Variants in DPP10 observed in about 807,000 individuals in gnomAD.
DPP10 encodes the protein inactive dipeptidyl peptidase 10.
DPP10 carries 33 observed loss-of-function variants against 120.9 expected under a neutral mutation model. The observed-to-expected ratio is 0.27, with a 90% CI of 0.21 to 0.37. The LOEUF is 0.37. DPP10 is among the 10% of genes least tolerant of loss of function. The probability of loss-of-function intolerance (pLI) is 1.00; values close to 1 mark genes in which losing one functional copy is unlikely to be tolerated. For missense variants in DPP10, 816 were observed against 942.8 expected (o/e 0.87, Z 1.76); for synonymous variants, 337 against 326.1 (o/e 1.03, Z -0.36).
At chr2:115,233,404 G>T (rs2057837855) in intron 1 of DPP10, among the ~76,000 whole-genome samples, 1 of 152,074 alleles carries the variant, frequency 6.6e-6, no homozygotes. Context: ...GTTCTAGAAT[G>T]CAGTCTAAGA....
At chr2:115,171,854 C>G (rs534415284) in intron 1 of DPP10, among the ~76,000 whole-genome samples, 1 of 152,274 alleles carries the variant, frequency 6.6e-6, no homozygotes, top group African/African-American at 2.4e-5. Context: ...CACCTGGCCA[C>G]CAGACATCAC....
At chr2:114,503,318 T>C (rs1369782326) in intron 1 of DPP10, among the ~76,000 whole-genome samples, 1 of 152,206 alleles carries the variant, frequency 6.6e-6, no homozygotes, top group Non-Finnish European at 1.5e-5. Flanking sequence ...TAAAAATGAC[T>C]GGAAAAGTGG....
At chr2:114,606,379 T>A (rs1692807246) in intron 1 of DPP10, among the ~76,000 whole-genome samples, 2 of 152,146 alleles carry the variant, frequency 1.3e-5, no homozygotes, top group South Asian at 4.1e-4. Context: ...AAATTTTTTC[T>A]CTGACTGCCT....
intron 1 of DPP10, among the ~76,000 whole-genome samples, chr2:115,228,494 G>C (rs771473958): frequency 1.3e-5 from 2 of 151,754 alleles, no homozygotes; most frequent in Non-Finnish European, 2.9e-5. Context: ...AACAAAACCC[G>C]CTTCAATCCC....
At chr2:114,989,215 G>A (rs1558960079) in intron 1 of DPP10, among the ~76,000 whole-genome samples, 1 of 151,988 alleles carries the variant, frequency 6.6e-6, no homozygotes, top group Non-Finnish European at 1.5e-5. Context: ...TGTTTGAGTG[G>A]TTAATAACAC....
intron 8 of DPP10, among the ~76,000 whole-genome samples, chr2:115,729,228 C>T (rs1174716092): frequency 1.3e-5 from 2 of 152,118 alleles, no homozygotes; most frequent in African/African-American, 4.8e-5. Flanking sequence ...ATTTAATAAA[C>T]AGGTGGACAA....
intron 5 of DPP10, among the ~76,000 whole-genome samples, chr2:115,616,506 G>A (rs1244299323): frequency 6.6e-6 from 1 of 151,536 alleles, no homozygotes; most frequent in African/African-American, 2.4e-5. Context: ...AAAAAACTCT[G>A]AAAGCACATT....
At chr2:115,377,900 C>T (rs2065942264) in intron 3 of DPP10, among the ~76,000 whole-genome samples, 1 of 152,022 alleles carries the variant, frequency 6.6e-6, no homozygotes, top group Non-Finnish European at 1.5e-5. Context: ...CTGTTCTGTT[C>T]CATTGGTCTA....
rs567811339 is a variant in DPP10 at position 114,843,316 on chromosome 2, C to G, written c.60+400478C>G. On this transcript the variant is annotated intron_variant, in intron 1 of 25. Coordinates refer to ENST00000410059, the MANE Select transcript of DPP10 (RefSeq NM_020868.6). Reference sequence around the variant, plus strand: ...TATTACTCATGTTTCTACCAGTGGTCCCCTGAAGAAATAAATATGCAGCCT... The same window carrying G: ...TATTACTCATGTTTCTACCAGTGGTGCCCTGAAGAAATAAATATGCAGCCT... Among the ~76,000 whole-genome samples the G allele has an allele frequency of 9.6e-4, 146 of 152,222 alleles. 1 individual carries two copies. The highest frequency in any genetic ancestry group is 1.7e-3 in the Non-Finnish European group (118 of 67,994).
intron 23 of DPP10, 41 bp from the exon 24 acceptor site, chr2:115,836,633 T>C (rs1689559680): frequency 2.5e-6 from 4 of 1,609,736 alleles, no homozygotes; most frequent in Non-Finnish European, 3.4e-6. Context: ...AAATGGCTTA[T>C]TTAGATCTAT....
At chr2:115,049,782 C>G (rs1017374697) in intron 1 of DPP10, among the ~76,000 whole-genome samples, 1 of 152,118 alleles carries the variant, frequency 6.6e-6, no homozygotes, top group Non-Finnish European at 1.5e-5. Flanking sequence ...ATTTAGTTCT[C>G]ATGGTTCCCT....
Position 114,482,914 on chromosome 2 carries a change from C to T in DPP10, c.60+40076C>T, listed in dbSNP as rs1428659564. Among the ~76,000 whole-genome samples, 5 of 152,168 alleles carry T rather than the reference C, an allele frequency of 3.3e-5. No homozygotes were observed. In the East Asian group the frequency reaches 9.6e-4, roughly 29 times the overall value. ...TTCACTCCTTGAGTAAGCAAAGTCT[C>T]CACAACATCTGCATATTTGTGGCCA... On this transcript the variant is annotated intron_variant, in intron 1 of 25. Coordinates refer to ENST00000410059, the MANE Select transcript of DPP10 (RefSeq NM_020868.6).
intron 1 of DPP10, among the ~76,000 whole-genome samples, chr2:115,233,314 C>T (rs564295914): frequency 9.2e-5 from 14 of 151,862 alleles, no homozygotes; most frequent in East Asian, 7.8e-4. Context: ...CTGTGCTTCC[C>T]GAAAGAAAAC....
At chr2:115,527,208 G>A (rs2078182780) in intron 5 of DPP10, among the ~76,000 whole-genome samples, 1 of 151,990 alleles carries the variant, frequency 6.6e-6, no homozygotes, top group Non-Finnish European at 1.5e-5. Flanking sequence ...AGAGAACCCA[G>A]AAATAGACCC....
intron 5 of DPP10, among the ~76,000 whole-genome samples, chr2:115,688,901 A>T (rs773055930): frequency 6.6e-6 from 1 of 152,116 alleles, no homozygotes; most frequent in Non-Finnish European, 1.5e-5. Flanking sequence ...GGAGAGTGTT[A>T]TCTCACTTCA....
intron 3 of DPP10, among the ~76,000 whole-genome samples, chr2:115,422,213 T>C (rs1038667334): frequency 6.6e-6 from 1 of 152,190 alleles, no homozygotes. Context: ...AGAGGCAGAA[T>C]GGAAACTTCC....
At chr2:115,506,216 T>C (rs1280394611) in intron 4 of DPP10, among the ~76,000 whole-genome samples, 2 of 152,072 alleles carry the variant, frequency 1.3e-5, no homozygotes, top group African/African-American at 4.8e-5. Flanking sequence ...CATTACATAA[T>C]ACAGATATTT....
chr2:115,580,413 C>G (rs1273923378), intron 5 of DPP10, among the ~76,000 whole-genome samples: 1 of 152,106 alleles, frequency 6.6e-6, no homozygotes, highest in East Asian at 1.9e-4. Context: ...ATTATCATAA[C>G]TGTTTTTATT....
At chr2:115,476,670 C>T (rs1236814245) in intron 3 of DPP10, among the ~76,000 whole-genome samples, 2 of 152,136 alleles carry the variant, frequency 1.3e-5, no homozygotes, top group African/African-American at 4.8e-5. Context: ...CCAATCATCT[C>T]CTACCAGGCT....
Sources: allele counts gnomAD v4.1 joint callset (sites outside exome capture counted in the v4.1 genomes callset), GRCh38; gene constraint gnomAD v4.1.1; transcripts MANE v1.5; gene names NCBI Gene and HGNC (gene_info 2026-07-23, HGNC 2026-07-21).